Variants in MSANTD7 observed in about 807,000 individuals in gnomAD.
MSANTD7 encodes the protein Myb/SANT DNA binding domain containing 7.
chr10:14,839,703 G>C, the MSANTD7 span, among the ~76,000 whole-genome samples: 30 of 152,306 alleles, frequency 2.0e-4, no homozygotes, highest in African/African-American at 6.5e-4. Flanking sequence ...TTGCAGAGCA[G>C]ACTGAAAACA....
At chr10:14,839,194 A>G in the MSANTD7 span, among the ~76,000 whole-genome samples, 1 of 152,090 alleles carries the variant, frequency 6.6e-6, no homozygotes, top group African/African-American at 2.4e-5. Flanking sequence ...ATAATCATGA[A>G]CTCCGTTGCC....
chr10:14,840,033 T>A, the MSANTD7 span: 2 of 1,375,488 alleles, frequency 1.5e-6, no homozygotes, highest in South Asian at 2.5e-5. Context: ...TAAAATTACA[T>A]ACATTGTAAT....
the MSANTD7 span, chr10:14,843,640 A>G: frequency 1.3e-6 from 2 of 1,550,162 alleles, no homozygotes; most frequent in Non-Finnish European, 1.7e-6. Context: ...GTCAGTGGCC[A>G]GGACTATCGC....
At chr10:14,838,366 A>AC in the MSANTD7 span, 6 of 1,569,484 alleles carry the variant, frequency 3.8e-6, no homozygotes, top group African/African-American at 2.7e-5. Context: ...CTGTTGGGGG[A>AC]CCCCCTCATT....
the MSANTD7 span, chr10:14,843,804 T>C: frequency 1.3e-6 from 2 of 1,536,314 alleles, no homozygotes; most frequent in Non-Finnish European, 1.7e-6. Context: ...CAGTCAGACG[T>C]TTGGCAACAG....
At chr10:14,842,285 A>G in the MSANTD7 span, 8 of 1,535,036 alleles carry the variant, frequency 5.2e-6, no homozygotes, top group African/African-American at 2.7e-5. The surrounding 1 kb of genome is among the most constrained non-coding windows in gnomAD (Gnocchi z 5.2). Context: ...CCAACCCACA[A>G]TGGCCAGTGC....
the MSANTD7 span, chr10:14,846,465 C>T: frequency 4.1e-6 from 4 of 985,094 alleles, no homozygotes; most frequent in South Asian, 1.4e-4. Context: ...TGAATAAGTA[C>T]ACAGAAAAAT....
the MSANTD7 span, chr10:14,842,439 A>G: frequency 6.5e-7 from 1 of 1,536,210 alleles, no homozygotes; most frequent in Non-Finnish European, 8.7e-7. The surrounding 1 kb of genome is among the most constrained non-coding windows in gnomAD (Gnocchi z 5.2). Context: ...CGAATGCAGC[A>G]GGAGGGCTTC....
At chr10:14,838,565 C>A in the MSANTD7 span, 1 of 1,103,474 alleles carries the variant, frequency 9.1e-7, no homozygotes. Flanking sequence ...CTAGGGATGT[C>A]GTGGAGTGGC....
At chr10:14,843,906 A>C in the MSANTD7 span, 1 of 1,536,020 alleles carries the variant, frequency 6.5e-7, no homozygotes, top group Non-Finnish European at 8.7e-7. Flanking sequence ...AACCAATTAC[A>C]AAAGGCTCTG....
the MSANTD7 span, chr10:14,842,659 A>T: frequency 1.3e-6 from 2 of 1,536,270 alleles, no homozygotes; most frequent in South Asian, 1.2e-5. The surrounding 1 kb of genome is among the most constrained non-coding windows in gnomAD (Gnocchi z 5.2). Flanking sequence ...ATCAGAACTT[A>T]GTGGCCTCTG....
the MSANTD7 span, chr10:14,842,249 G>A: frequency 6.5e-7 from 1 of 1,535,300 alleles, no homozygotes; most frequent in Non-Finnish European, 8.7e-7. The surrounding 1 kb of genome is among the most constrained non-coding windows in gnomAD (Gnocchi z 5.2). Context: ...GCACCTTGCT[G>A]TCCAGAAGCT....
At chr10:14,842,840 G>A in the MSANTD7 span, 2 of 1,529,188 alleles carry the variant, frequency 1.3e-6, no homozygotes, top group Non-Finnish European at 1.7e-6. This position sits in a 1 kb window ranked among gnomAD's most constrained non-coding sequence, Gnocchi z 5.2. Context: ...TGAATCCTCG[G>A]GTGCAGGTAA....
chr10:14,844,023 G>C, the MSANTD7 span: 1 of 1,445,414 alleles, frequency 6.9e-7, no homozygotes, highest in African/African-American at 1.4e-5. Context: ...TATCCAGATA[G>C]TATGAAAATA....
chr10:14,846,090 G>A, the MSANTD7 span: 1 of 982,736 alleles, frequency 1.0e-6, no homozygotes, highest in Non-Finnish European at 1.2e-6. Flanking sequence ...ATATGCTCAT[G>A]AACTTCTAAG....
the MSANTD7 span, chr10:14,844,299 G>A: frequency 9.2e-7 from 1 of 1,088,338 alleles, no homozygotes; most frequent in Non-Finnish European, 1.1e-6. Flanking sequence ...AAGTTTAAAA[G>A]CACTGTACAC....
chr10:14,843,979 G>A, the MSANTD7 span: 8 of 1,488,916 alleles, frequency 5.4e-6, no homozygotes, highest in East Asian at 2.0e-4. Context: ...CTCCTTTTCT[G>A]TGTCCTCAGA....
the MSANTD7 span, chr10:14,840,032 A>G: frequency 1.4e-6 from 2 of 1,414,584 alleles, no homozygotes; most frequent in Middle Eastern, 2.1e-4. Flanking sequence ...TTAAAATTAC[A>G]TACATTGTAA....
the MSANTD7 span, chr10:14,845,247 T>G: frequency 2.0e-6 from 2 of 985,058 alleles, no homozygotes; most frequent in South Asian, 4.7e-5. Flanking sequence ...TTAGTACTTT[T>G]AGGAATACAA....
Sources: allele counts gnomAD v4.1 joint callset (sites outside exome capture counted in the v4.1 genomes callset), GRCh38; gene constraint gnomAD v4.1.1; non-coding constraint Gnocchi (gnomAD v3.1); transcripts MANE v1.5; gene names NCBI Gene and HGNC (gene_info 2026-07-23, HGNC 2026-07-21).